Variants in KIF26B observed in about 807,000 individuals in gnomAD.
The protein encoded by KIF26B is kinesin family member 26B, also known as kinesin-like protein KIF26B.
In KIF26B, 63 loss-of-function variants were observed where a neutral mutation model predicts 151.2. The ratio of observed to expected loss-of-function variants is 0.42; its 90% CI spans 0.34 to 0.51. KIF26B has a LOEUF of 0.51. Among genes scored for constraint, KIF26B ranks in the 20% least tolerant of loss-of-function variants. The pLI is 0.07. For missense variants in KIF26B, 2,813 were observed against 2,913.6 expected (o/e 0.97, Z 0.79); for synonymous variants, 1,357 against 1,262.1 (o/e 1.08, Z -1.59).
Position 245,242,928 on chromosome 1 carries a change from G to C in KIF26B, c.465+86245G>C, listed in dbSNP as rs563267476. ...GCCTCCCAAAGTGCTGGGATTACAG[G>C]CATGAGCCACCGCGCCCAGCCATAT... On this transcript the variant is annotated intron_variant, in intron 2 of 14. Coordinates refer to ENST00000407071, the MANE Select transcript of KIF26B (RefSeq NM_018012.4). Among the ~76,000 whole-genome samples, 5 of 152,238 alleles carry C rather than the reference G, an allele frequency of 3.3e-5. No homozygotes were observed. In the East Asian group the frequency reaches 9.7e-4, roughly 29 times the overall value.
intron 2 of KIF26B, among the ~76,000 whole-genome samples, chr1:245,350,982 G>A (rs554414547): frequency 2.6e-5 from 4 of 152,298 alleles, no homozygotes; most frequent in African/African-American, 9.6e-5. Context: ...GGTCACCAAA[G>A]CAGTGAGGGG....
At chr1:245,174,156 G>T (rs1573688022) in intron 2 of KIF26B, among the ~76,000 whole-genome samples, 1 of 152,186 alleles carries the variant, frequency 6.6e-6, no homozygotes. Context: ...CTCAATGGCA[G>T]CATAACTTTT....
At chr1:245,294,280 C>T (rs2102974665) in intron 2 of KIF26B, among the ~76,000 whole-genome samples, 1 of 152,278 alleles carries the variant, frequency 6.6e-6, no homozygotes, top group South Asian at 2.1e-4. Context: ...CTCCCCCTCT[C>T]CCCTCCCCTC....
Position 245,348,068 on chromosome 1 carries a change from G to A in KIF26B, c.466-18766G>A, listed in dbSNP as rs147148385. ...TTTACTTGATCTATCTGCAGCATTT[G>A]CCCGTAGATCATTCCCTCCTTCCTG... On this transcript the variant is annotated intron_variant, in intron 2 of 14. Transcript: ENST00000407071. 9.9e-5 allele frequency among the ~76,000 whole-genome samples: 15 copies of A among 152,274 alleles called. No homozygotes were observed. The East Asian group carries it at 2.5e-3, about 25-fold the overall frequency.
intron 4 of KIF26B, among the ~76,000 whole-genome samples, chr1:245,530,383 C>T (rs763053946): frequency 3.9e-5 from 6 of 152,154 alleles, no homozygotes; most frequent in Non-Finnish European, 7.4e-5. Context: ...GCCAAGCTCC[C>T]ATGTTTATTG....
intron 4 of KIF26B, among the ~76,000 whole-genome samples, chr1:245,513,997 C>A (rs1011249508): frequency 1.3e-5 from 2 of 152,162 alleles, no homozygotes; most frequent in African/African-American, 2.4e-5. Flanking sequence ...CATCTTCCCA[C>A]TTCTTCCACT....
At chr1:245,640,143 C>CTCTCTATATATATATATATATA in intron 9 of KIF26B, among the ~76,000 whole-genome samples, 1 of 31,924 alleles carries the variant, frequency 3.1e-5, no homozygotes, top group Admixed American at 3.4e-4. Flanking sequence ...CTCTCTCTCT[C>CTCTCTATATATATATATATATA]TATATATATA....
At chr1:245,430,229 G>A (rs943603028) in intron 4 of KIF26B, among the ~76,000 whole-genome samples, 5 of 151,856 alleles carry the variant, frequency 3.3e-5, no homozygotes, top group African/African-American at 1.2e-4. Context: ...TGAAGGAGAG[G>A]ACCAATGGAT....
intron 2 of KIF26B, among the ~76,000 whole-genome samples, chr1:245,243,793 G>A (rs1337374069): frequency 6.6e-6 from 1 of 152,072 alleles, no homozygotes; most frequent in African/African-American, 2.4e-5. Flanking sequence ...GGAGGTTGCA[G>A]TGGGCCGAGA....
At chr1:245,581,426 G>C (rs967961262) in intron 5 of KIF26B, among the ~76,000 whole-genome samples, 2 of 151,552 alleles carry the variant, frequency 1.3e-5, no homozygotes, top group African/African-American at 4.9e-5. Flanking sequence ...ATAGATAATA[G>C]AGAAATAGAA....
chr1:245,307,268 C>T (rs959328698), intron 2 of KIF26B, among the ~76,000 whole-genome samples: 1 of 152,118 alleles, frequency 6.6e-6, no homozygotes, highest in Non-Finnish European at 1.5e-5. Flanking sequence ...TATGCCGGAC[C>T]GTGACAAAGA....
chr1:245,689,040 G>C (rs116793850), intron 12 of KIF26B, among the ~76,000 whole-genome samples: 1 of 152,146 alleles, frequency 6.6e-6, no homozygotes, highest in South Asian at 2.1e-4. Flanking sequence ...GGGCTCCGCC[G>C]GGGACATCAC....
intron 2 of KIF26B, among the ~76,000 whole-genome samples, chr1:245,287,177 G>C (rs1006340882): frequency 2.0e-5 from 3 of 152,070 alleles, no homozygotes; most frequent in Non-Finnish European, 4.4e-5. Flanking sequence ...CATATAACAG[G>C]AAATATTTGC....
chr1:245,498,885 G>C (rs1239175844), intron 4 of KIF26B, among the ~76,000 whole-genome samples: 1 of 152,142 alleles, frequency 6.6e-6, no homozygotes, highest in East Asian at 1.9e-4. Context: ...CATTCTTCTT[G>C]CATCAGATAG....
rs1669688251 is a variant in KIF26B at position 245,218,226 on chromosome 1, C to T, written c.465+61543C>T. On this transcript the variant is annotated intron_variant, in intron 2 of 14. Transcript: ENST00000407071. This position sits in a 1 kb window ranked among gnomAD's most constrained non-coding sequence, Gnocchi z 4.1. The stretch of plus-strand genomic sequence containing the variant: ...ACCAGAGCAGTGACATTCGGGCCCT[C>T]GGGGGCAGACTGTGCCTGTGGCTTC... 3.3e-5 allele frequency among the ~76,000 whole-genome samples: 5 copies of T among 152,036 alleles called. No homozygotes were observed. The highest frequency in any genetic ancestry group is 2.1e-4 in the South Asian group (1 of 4,784).
In KIF26B at chr1:245,502,064, C is replaced by G. The variant is rs115326348; in HGVS notation, c.1167-38703C>G. Among the ~76,000 whole-genome samples the G allele has an allele frequency of 2.4e-3, 359 of 152,250 alleles. 2 individuals are homozygous for G. Among genetic ancestry groups the G allele is most frequent in the African/African-American group, 7.9e-3 (328 of 41,544 alleles). ...TAGGTGGACAGATAACTAGATTTTG[C>G]TTTTCTGATAAAAAAGGAATCTTGT... On this transcript the variant is annotated intron_variant, in intron 4 of 14. Coordinates refer to ENST00000407071, the MANE Select transcript of KIF26B (RefSeq NM_018012.4).
At chr1:245,507,857 G>A (rs776038362) in intron 4 of KIF26B, among the ~76,000 whole-genome samples, 3 of 152,114 alleles carry the variant, frequency 2.0e-5, no homozygotes, top group Non-Finnish European at 2.9e-5. Flanking sequence ...TGGTCCTTGC[G>A]ATGGCTTTCT....
chr1:245,545,886 G>A (rs1215631507), intron 5 of KIF26B, among the ~76,000 whole-genome samples: 2 of 152,218 alleles, frequency 1.3e-5, no homozygotes, highest in African/African-American at 4.8e-5. Context: ...TAATGTCAGA[G>A]CTTTCTGTCT....
At position 245,316,127 on chromosome 1, in the gene KIF26B, T is replaced by C. The variant is rs12047067; in HGVS notation, c.466-50707T>C. On this transcript the variant is annotated intron_variant, in intron 2 of 14. Transcript: ENST00000407071. ...CTGAGACTGAGTCATGTTTTGGTTCTCTGGCTGCTTCTATTTTTTTTTTTT... is the reference window on the plus strand; with the variant it reads ...CTGAGACTGAGTCATGTTTTGGTTCCCTGGCTGCTTCTATTTTTTTTTTTT... Among the ~76,000 whole-genome samples, 537 of 151,662 alleles carry C rather than the reference T, an allele frequency of 3.5e-3. 8 individuals are homozygous for C. In the East Asian group the frequency reaches 0.05, roughly 14 times the overall value.
Sources: gnomAD v4.1 joint callset for allele counts (sites outside exome capture counted in the v4.1 genomes callset) on GRCh38, gnomAD v4.1.1 for gene constraint, Gnocchi (gnomAD v3.1) non-coding constraint, MANE v1.5 for transcripts, NCBI Gene and HGNC (gene_info 2026-07-23, HGNC 2026-07-21) for gene names.